The following NCKAP1L variants were observed in gnomAD, a reference collection of about 807,000 sequenced individuals.
NCKAP1L encodes the protein nck-associated protein 1-like.
A neutral mutation model predicts 139.2 loss-of-function variants in NCKAP1L; 53 were observed. The observed-to-expected ratio is 0.38, with a 90% CI of 0.31 to 0.48. The LOEUF (loss-of-function observed/expected upper bound fraction) is 0.48. NCKAP1L is among the 20% of genes least tolerant of loss of function. The probability of loss-of-function intolerance (pLI) is 0.98; values close to 1 mark genes in which losing one functional copy is unlikely to be tolerated. For synonymous variants in NCKAP1L, 468 were observed against 499.7 expected (o/e 0.94, Z 0.85); for missense variants, 1,151 against 1,381.9 (o/e 0.83, Z 2.65).
At chr12:54,505,221 C>T (rs1956830666) in intron 3 of NCKAP1L, among the ~76,000 whole-genome samples, 1 of 152,218 alleles carries the variant, frequency 6.6e-6, no homozygotes, top group Admixed American at 6.5e-5. Context: ...CTGCACAGGG[C>T]ACATTTTGGG....
intron 4 of NCKAP1L, 137 bp downstream of exon 4, chr12:54,508,046 C>T: frequency 1.3e-6 from 1 of 768,242 alleles, no homozygotes; most frequent in Middle Eastern, 3.0e-4. Context: ...CTTCTCAGGA[C>T]TACTATAATT....
intron 4 of NCKAP1L, 149 bp from the exon 5 acceptor site, chr12:54,508,240 T>C: frequency 3.3e-6 from 3 of 897,716 alleles, no homozygotes; most frequent in Non-Finnish European, 5.1e-6. Flanking sequence ...GTTCCAATTT[T>C]CTTATTCTTC....
chr12:54,532,879 C>A (rs1957084103), intron 26 of NCKAP1L, among the ~76,000 whole-genome samples: 1 of 152,198 alleles, frequency 6.6e-6, no homozygotes, highest in Non-Finnish European at 1.5e-5. Context: ...TATGCTATGG[C>A]AGGAAATACA....
rs1415446616 is a variant in NCKAP1L, at chr12:54,532,337, TC to T, written c.2862+88del. ...TAGGATCTTGTAAGGGAGAGCGGGT[TC>T]TGAAGAACACCATAGGGATAAGGGC... On this transcript the variant is annotated intron_variant, in intron 26 of 30. Transcript: ENST00000293373. 8 of 1,030,308 alleles carry T rather than the reference TC, an allele frequency of 7.8e-6. No individual in the cohort carries two copies. In the African/African-American group the frequency reaches 1.3e-4, roughly 16 times the overall value. 63.8% of individuals were successfully genotyped at this position (1,030,308 alleles called of 1,614,324 possible).
At chr12:54,538,109 C>T (rs1291676874) in intron 29 of NCKAP1L, among the ~76,000 whole-genome samples, 3 of 152,150 alleles carry the variant, frequency 2.0e-5, no homozygotes, top group Non-Finnish European at 4.4e-5. Flanking sequence ...AGAACCAGGG[C>T]CTCATCTGTC....
Position 54,521,179 on chromosome 12 carries a change from A to G in NCKAP1L, c.1819A>G (p.Lys607Glu). Residue 607 changes from lysine to glutamate, a missense_variant, in exon 18 of 31, where the codon AAG becomes GAG. Transcript: ENST00000293373. The part of the protein sequence containing the change: ...HCNSFLEELA[K>E]QTSNCVLEIC... ...CAACTCCTTCCTGGAAGAGTTGGCC[A>G]AGCAGACCAGCAATTGCGTCCTGGA... 6 of 1,614,138 alleles carry G rather than the reference A, an allele frequency of 3.7e-6. No homozygotes were observed. Among genetic ancestry groups the G allele is most frequent in the Non-Finnish European group, 5.1e-6 (6 of 1,180,000 alleles).
At chr12:54,512,218 A>G in intron 9 of NCKAP1L, 113 bp downstream of exon 9, 1 of 1,142,022 alleles carries the variant, frequency 8.8e-7, no homozygotes, top group Non-Finnish European at 1.2e-6. Context: ...ATTAATTCTA[A>G]CTATTGAAGA....
rs371911686 is a variant in NCKAP1L at position 54,528,040 on chromosome 12, G to A, written c.2376-207G>A. 1.4e-4 allele frequency among the ~76,000 whole-genome samples: 22 copies of A among 152,286 alleles called. No homozygotes were observed. In the South Asian group the frequency reaches 4.4e-3, roughly 30 times the overall value. ...TAGCAAAATACCCTCCAGGTTAGAG[G>A]CAAAGTGGAATTCCAGTACTGCCAG... On this transcript the variant is annotated intron_variant, in intron 21 of 30. Coordinates refer to ENST00000293373, the MANE Select transcript of NCKAP1L (RefSeq NM_005337.5).
In NCKAP1L at chr12:54,508,628, A is replaced by G. The variant is rs888298488; in HGVS notation, c.506+97A>G. The G allele has an allele frequency of 2.4e-6, 3 of 1,273,886 alleles. No individual in the cohort carries two copies. In the African/African-American group the frequency reaches 4.4e-5, roughly 19 times the overall value. 78.9% of individuals were successfully genotyped at this position (1,273,886 alleles called of 1,614,324 possible). A position where few individuals can be genotyped will look rare whatever the true frequency, so the allele number is the denominator to read the frequency against. On this transcript the variant is annotated intron_variant, in intron 5 of 30. Transcript: ENST00000293373. ...AAGGAAATTGATGCCATGATTTCTTATATGAGAACCTATAATCTACATTGA... is the reference window on the plus strand; with the variant it reads ...AAGGAAATTGATGCCATGATTTCTTGTATGAGAACCTATAATCTACATTGA...
intron 28 of NCKAP1L, chr12:54,536,574 C>G (rs967164026): frequency 1.6e-5 from 5 of 319,026 alleles, no homozygotes; most frequent in African/African-American, 1.1e-4. Flanking sequence ...AGGAGGATGG[C>G]TTGAGCCCAA....
At chr12:54,516,450 C>CTTTTCT (rs1555171426) in intron 10 of NCKAP1L, among the ~76,000 whole-genome samples, 155 bp downstream of exon 10, 2 of 145,266 alleles carry the variant, frequency 1.4e-5, no homozygotes, top group African/African-American at 5.1e-5. Context: ...CTTTTCTTTT[C>CTTTTCT]TTTTTTTTTT....
At chr12:54,507,944 T>C (rs1956856164) in intron 4 of NCKAP1L, 35 bp downstream of exon 4, 1 of 1,602,796 alleles carries the variant, frequency 6.2e-7, no homozygotes. Context: ...TATCGTAGAG[T>C]CAAAGAAAAG....
rs1330136093 is a variant in NCKAP1L at position 54,531,569 on chromosome 12, C to A, written c.2683C>A (p.Leu895Met). Residue 895 changes from leucine (L) to methionine (M), a missense_variant, in exon 24 of 31, where the codon CTG (leucine) becomes ATG (methionine). Coordinates refer to ENST00000293373, the MANE Select transcript of NCKAP1L (RefSeq NM_005337.5). The stretch of plus-strand genomic sequence containing the variant: ...CAAGCCGGACTTGATGGCTTCCCTG[C>A]TGCCCCAGCTGACAGGTAAGCATCC... ...FSKPDLMASL[L>M]PQLTGAENVL... 1.2e-6 allele frequency: 2 copies of A among 1,613,994 alleles called. No homozygotes were observed. Among genetic ancestry groups the A allele is most frequent in the East Asian group, 2.2e-5 (1 of 44,894 alleles).
rs373620623 is a variant in NCKAP1L at position 54,545,521 on chromosome 12, T to A, written c.*2836T>A. The A allele has an allele frequency of 6.6e-6, 1 of 152,092 alleles. No individual in the cohort carries two copies. Among genetic ancestry groups the A allele is most frequent in the Non-Finnish European group, 1.5e-5 (1 of 68,020 alleles). 9.4% of individuals were successfully genotyped at this position (152,092 alleles called of 1,614,324 possible). A position where few individuals can be genotyped will look rare whatever the true frequency, so the allele number is the denominator to read the frequency against. On this transcript the variant is annotated 3_prime_UTR_variant, in exon 31 of 31. Transcript: ENST00000293373. ...GGCCTTTACTACCGGAAGCAAAAAG[T>A]GAATGTCCAGAGGTGAAGGGACAGA...
At chr12:54,520,128 G>T (rs186726168) in intron 16 of NCKAP1L, among the ~76,000 whole-genome samples, 8 of 152,282 alleles carry the variant, frequency 5.3e-5, no homozygotes, top group Non-Finnish European at 1.2e-4. Context: ...AAAACACAAT[G>T]TGTTGTCTCT....
chr12:54,520,302 G>A (rs1956971327), intron 16 of NCKAP1L, among the ~76,000 whole-genome samples: 1 of 152,198 alleles, frequency 6.6e-6, no homozygotes, highest in Admixed American at 6.5e-5. Flanking sequence ...AAGATTTTCT[G>A]GAGCCTGAGT....
intron 29 of NCKAP1L, 74 bp downstream of exon 29, chr12:54,537,127 A>G: frequency 9.9e-7 from 1 of 1,010,908 alleles, no homozygotes; most frequent in Middle Eastern, 2.1e-4. Flanking sequence ...TCTGTAGACA[A>G]TTATCGTTGA....
At chr12:54,503,353 G>C (rs983095664) in intron 3 of NCKAP1L, among the ~76,000 whole-genome samples, 1 of 151,530 alleles carries the variant, frequency 6.6e-6, no homozygotes, top group Admixed American at 6.6e-5. Context: ...AATTGATAAG[G>C]TATTATTAAA....
At chr12:54,520,978 T>C in intron 17 of NCKAP1L, 141 bp from the exon 18 acceptor site, 2 of 1,480,170 alleles carry the variant, frequency 1.4e-6, no homozygotes, top group Non-Finnish European at 1.9e-6. Flanking sequence ...ATGTATCCTG[T>C]CTCTGGGCCT....
Sources: gnomAD v4.1 joint callset for allele counts (sites outside exome capture counted in the v4.1 genomes callset) on GRCh38, gnomAD v4.1.1 for gene constraint, MANE v1.5 for transcripts, NCBI Gene and HGNC (gene_info 2026-07-23, HGNC 2026-07-21) for gene names.